CSRNP2: variants seen among roughly 807,000 people sequenced by gnomAD.
CSRNP2 encodes the protein cysteine/serine-rich nuclear protein 2.
Under a neutral mutation model 36.6 loss-of-function variants are expected in CSRNP2, and 11 were observed. The ratio of observed to expected loss-of-function variants is 0.30; its 90% CI spans 0.19 to 0.50. CSRNP2 has a LOEUF of 0.50. CSRNP2 is among the 20% of genes least tolerant of loss of function. The probability of loss-of-function intolerance (pLI) is 0.98; values close to 1 mark genes in which losing one functional copy is unlikely to be tolerated. For synonymous variants in CSRNP2, 248 were observed against 275.3 expected, an observed-to-expected ratio of 0.90 and a Z score of 0.98; for missense variants, 483 against 691.4, an observed-to-expected ratio of 0.70 and a Z score of 3.38.
intron 1 of CSRNP2, among the ~76,000 whole-genome samples, chr12:51,079,939 G>A (rs1239044500): frequency 6.7e-6 from 1 of 149,984 alleles, no homozygotes; most frequent in Non-Finnish European, 1.5e-5. Context: ...CAGGTGTGGT[G>A]GCGAGTGCCT....
intron 2 of CSRNP2, among the ~76,000 whole-genome samples, chr12:51,076,171 G>C (rs1486149057): frequency 6.6e-6 from 1 of 152,184 alleles, no homozygotes; most frequent in Admixed American, 6.5e-5. Context: ...TAGAGTCCTA[G>C]ACTCCTTTTT....
Position 51,072,298 on chromosome 12 carries a change from G to A in CSRNP2, c.411+1525C>T, listed in dbSNP as rs1372067028. Among the ~76,000 whole-genome samples, 6 of 152,002 alleles carry A rather than the reference G, an allele frequency of 3.9e-5. No homozygotes were observed. The East Asian group carries it at 1.2e-3, about 29-fold the overall frequency. ...TGGGTGGCCAAGTGCGGTGGCTCAC[G>A]CCTATAATCCCAGCACTTTGTGAGG... On this transcript the variant is annotated intron_variant, in intron 3 of 4. Transcript: ENST00000228515.
intron 1 of CSRNP2, among the ~76,000 whole-genome samples, chr12:51,080,072 CAAAA>C (rs1173559322): frequency 5.5e-5 from 3 of 54,988 alleles, no homozygotes; most frequent in Admixed American, 2.5e-4. Context: ...GACTCTGTCT[CAAAA>C]AAAAAAAAAA....
At chr12:51,077,888 A>G (rs1014876621) in intron 1 of CSRNP2, among the ~76,000 whole-genome samples, 6 of 152,256 alleles carry the variant, frequency 3.9e-5, no homozygotes, top group African/African-American at 1.4e-4. Flanking sequence ...TCATACAACC[A>G]AGGAGTCTGA....
intron 1 of CSRNP2, among the ~76,000 whole-genome samples, chr12:51,081,973 T>C (rs1305838026): frequency 6.6e-6 from 1 of 152,220 alleles, no homozygotes; most frequent in African/African-American, 2.4e-5. Context: ...AGTAATAAGC[T>C]ACATCTCACA....
At chr12:51,072,636 TCTC>T (rs1939225303) in intron 3 of CSRNP2, among the ~76,000 whole-genome samples, 1 of 4,056 alleles carries the variant, frequency 2.5e-4, no homozygotes, top group Non-Finnish European at 1.1e-3. Context: ...TTTCCCAGCC[TCTC>T]TCTCTCGAAG....
At position 51,068,009 on chromosome 12, in the gene CSRNP2, C is replaced by T. The variant is rs377632407; in HGVS notation, c.412-40G>A. 8 of 1,581,682 alleles carry T rather than the reference C, an allele frequency of 5.1e-6. No individual in the cohort carries two copies. In the African/African-American group the frequency reaches 8.1e-5, roughly 16 times the overall value. On this transcript the variant is annotated intron_variant, in intron 3 of 4. Coordinates refer to ENST00000228515, the MANE Select transcript of CSRNP2 (RefSeq NM_030809.3). The stretch of plus-strand genomic sequence containing the variant: ...GAAAGGTTAGCCTCATAGACATGAG[C>T]GGCATGCACCTCCTCAGTGACCATC...
chr12:51,081,288 A>G (rs1939630204), intron 1 of CSRNP2: 1 of 152,164 alleles, frequency 6.6e-6, no homozygotes, highest in Admixed American at 6.5e-5. Flanking sequence ...ACCTGCCTAA[A>G]AAAATAAAAT....
Position 51,080,280 on chromosome 12 carries a change from C to T in CSRNP2, c.-87+3059G>A, listed in dbSNP as rs12312957. 8.9e-3 allele frequency among the ~76,000 whole-genome samples: 1,360 copies of T among 152,016 alleles called. 18 individuals carry two copies. Among genetic ancestry groups the T allele is most frequent in the African/African-American group, 0.031 (1,265 of 41,454 alleles). ...GTCCCCAGGCTTCTGGTAGTATCTC[C>T]GGTGAATATTTCTCTTTAAGCCCCA... On this transcript the variant is annotated intron_variant, in intron 1 of 4. Transcript: ENST00000228515.
Position 51,067,752 on chromosome 12 carries a change from CG to C in CSRNP2, c.628del (p.Arg210GlyfsTer65). 6.2e-7 allele frequency: 1 copy of C among 1,614,168 alleles called. No homozygotes were observed. The highest frequency in any genetic ancestry group is 8.5e-7 in the Non-Finnish European group (1 of 1,180,042). ...KQELRAIRLS[R>X]EECGCDCRLY... is the part of the protein sequence containing the mutation. The stretch of plus-strand genomic sequence containing the variant: ...TCGGCAGTCACAACCACATTCTTCC[CG>C]TGACAGGCGGATGGCTCGAAGTTCT... On this transcript the variant is annotated frameshift_variant, in exon 4 of 5. Transcript: ENST00000228515. LOFTEE classifies it high-confidence loss of function. This position sits in a 1 kb window ranked among gnomAD's most constrained non-coding sequence, Gnocchi z 4.1.
At chr12:51,077,964 C>A (rs183878761) in intron 1 of CSRNP2, among the ~76,000 whole-genome samples, 9 of 152,172 alleles carry the variant, frequency 5.9e-5, no homozygotes, top group Non-Finnish European at 8.8e-5. Flanking sequence ...CAGAAGGACA[C>A]GAATCTGCTC....
Position 51,062,086 on chromosome 12 carries a change from A to G in CSRNP2, c.*1660T>C, listed in dbSNP as rs541727797. The G allele has an allele frequency of 6.6e-6, 1 of 152,348 alleles. No individual in the cohort carries two copies. Among genetic ancestry groups the G allele is most frequent in the African/African-American group, 2.4e-5 (1 of 41,574 alleles). 9.4% of individuals were successfully genotyped at this position (152,348 alleles called of 1,614,324 possible). On this transcript the variant is annotated 3_prime_UTR_variant, in exon 5 of 5. Coordinates refer to ENST00000228515, the MANE Select transcript of CSRNP2 (RefSeq NM_030809.3). ...AACTGGAACAAATAGGAAAGGCAGAATGAACTAAAAAATGTTATGTGTATT... is the reference window on the plus strand; with the variant it reads ...AACTGGAACAAATAGGAAAGGCAGAGTGAACTAAAAAATGTTATGTGTATT...
intron 1 of CSRNP2, among the ~76,000 whole-genome samples, chr12:51,080,072 CAAAAAAAAA>C (rs1173559322): frequency 0.014 from 795 of 55,008 alleles, 58 homozygotes; most frequent in African/African-American, 0.053. Context: ...GACTCTGTCT[CAAAAAAAAA>C]AAAAAAAAAA....
At chr12:51,079,073 T>G (rs150842857) in intron 1 of CSRNP2, among the ~76,000 whole-genome samples, 7 of 152,056 alleles carry the variant, frequency 4.6e-5, no homozygotes, top group Non-Finnish European at 7.4e-5. Context: ...GTCCTTTGTA[T>G]GGACATGGAT....
At chr12:51,075,042 C>T (rs1048294570) in intron 2 of CSRNP2, among the ~76,000 whole-genome samples, 20 of 152,068 alleles carry the variant, frequency 1.3e-4, no homozygotes, top group African/African-American at 3.1e-4. Flanking sequence ...TTCAGCCTGA[C>T]GACAGAGCAA....
In CSRNP2 at chr12:51,067,643, ATATACT is replaced by A. The variant is rs746238395; in HGVS notation, c.708+24_708+29del. 1.9e-6 allele frequency: 3 copies of A among 1,602,428 alleles called. No homozygotes were observed. Among genetic ancestry groups the A allele is most frequent in the Non-Finnish European group, 2.6e-6 (3 of 1,172,952 alleles). On this transcript the variant is annotated intron_variant, in intron 4 of 4. Transcript: ENST00000228515. This position sits in a 1 kb window ranked among gnomAD's most constrained non-coding sequence, Gnocchi z 4.1. Reference sequence around the variant, plus strand: ...CCTCACCCCGCTGACCCTGGTGTAGATATACTATCTCAGGCCAACTTGGACTGACCT... The same window carrying A: ...CCTCACCCCGCTGACCCTGGTGTAGAATCTCAGGCCAACTTGGACTGACCT...
intron 2 of CSRNP2, 103 bp downstream of exon 2, chr12:51,076,308 A>G (rs914614637): frequency 7.8e-7 from 1 of 1,287,894 alleles, no homozygotes; most frequent in Non-Finnish European, 1.1e-6. Context: ...AAAGATGATG[A>G]TTAAGGGCAA....
Position 51,063,668 on chromosome 12 carries a change from A to ATGGTGTTTT in CSRNP2, c.*77_*78insAAAACACCA. The ATGGTGTTTT allele has an allele frequency of 8.9e-7, 1 of 1,117,696 alleles. No individual in the cohort carries two copies. The highest frequency in any genetic ancestry group is 1.6e-5 in the African/African-American group (1 of 63,712). 69.2% of individuals were successfully genotyped at this position (1,117,696 alleles called of 1,614,324 possible). On this transcript the variant is annotated 3_prime_UTR_variant, in exon 5 of 5. Transcript: ENST00000228515. The stretch of plus-strand genomic sequence containing the variant: ...ACATGGGAGCAGCAGCTGCTTCTAC[A>ATGGTGTTTT]GTTTTGTTTTGAAATGGTGTTAGAT...
chr12:51,072,645 C>CGAA (rs11403382), intron 3 of CSRNP2, among the ~76,000 whole-genome samples: 34,297 of 148,036 alleles, frequency 0.23, 4,273 homozygotes, highest in East Asian at 0.42. Flanking sequence ...CTCTCTCTCT[C>CGAA]GAAGAAGAGG....
Sources: allele counts gnomAD v4.1 joint callset (sites outside exome capture counted in the v4.1 genomes callset), GRCh38; gene constraint gnomAD v4.1.1; non-coding constraint Gnocchi (gnomAD v3.1); transcripts MANE v1.5; gene names NCBI Gene and HGNC (gene_info 2026-07-23, HGNC 2026-07-21).